Variants in COL15A1 observed in about 807,000 individuals in gnomAD.
COL15A1 encodes the protein collagen alpha-1(XV) chain.
A neutral mutation model predicts 165.9 loss-of-function variants in COL15A1; 111 were observed. That is an observed-to-expected ratio of 0.67 (90% confidence interval 0.57 to 0.78). COL15A1 has a LOEUF of 0.78. COL15A1 is among the 30% of genes least tolerant of loss of function. COL15A1 has a pLI of 0.00. For synonymous variants in COL15A1, 659 were observed against 674.8 expected (o/e 0.98, Z 0.36); for missense variants, 1,745 against 1,789.7 (o/e 0.98, Z 0.45).
chr9:99,019,399 GA>G (rs1811226243), intron 11 of COL15A1, among the ~76,000 whole-genome samples: 1 of 151,950 alleles, frequency 6.6e-6, no homozygotes. Context: ...GTTTTTAGTG[GA>G]GACAGGATTT....
chr9:99,028,010 C>T (rs1046254729), intron 16 of COL15A1, among the ~76,000 whole-genome samples: 1 of 152,206 alleles, frequency 6.6e-6, no homozygotes, highest in African/African-American at 2.4e-5. Context: ...TCCCCATCAA[C>T]AATATCTGCC....
Position 99,047,951 on chromosome 9 carries a change from G to T in COL15A1, c.2744G>T (p.Gly915Val), listed in dbSNP as rs755698379. The T allele has an allele frequency of 6.2e-7, 1 of 1,609,494 alleles. No individual in the cohort carries two copies. The highest frequency in any genetic ancestry group is 8.5e-7 in the Non-Finnish European group (1 of 1,176,504). Residue 915 changes from glycine to valine, a missense_variant, in exon 28 of 42, where the codon GGA becomes GTA. Transcript: ENST00000375001. ...TGCTGTGGGTTCCAGGGTCGCCCAG[G>T]ACTGAATGGCCTCAAGGGTACCAAA... The part of the protein sequence containing the change: ...FGLPGRPGRP[G>V]LNGLKGTKGD...
chr9:98,984,146 G>A (rs1445789428), intron 2 of COL15A1, among the ~76,000 whole-genome samples: 1 of 152,218 alleles, frequency 6.6e-6, no homozygotes, highest in Non-Finnish European at 1.5e-5. Flanking sequence ...TCCTCATCTG[G>A]TTGAATCCTC....
chr9:99,002,464 A>C (rs140639302), intron 7 of COL15A1, among the ~76,000 whole-genome samples: 3 of 152,242 alleles, frequency 2.0e-5, no homozygotes, highest in Non-Finnish European at 2.9e-5. Flanking sequence ...CTCTCCAGGC[A>C]CTCAACCCCA....
At chr9:99,056,161 G>A in intron 34 of COL15A1, 99 bp from the exon 35 acceptor site, 1 of 1,261,006 alleles carries the variant, frequency 7.9e-7, no homozygotes, top group Non-Finnish European at 1.2e-6. Flanking sequence ...AATAGCTGGT[G>A]TTTATTGATT....
chr9:98,986,545 A>G (rs1838316864), intron 3 of COL15A1: 1 of 157,880 alleles, frequency 6.3e-6, no homozygotes, highest in African/African-American at 2.4e-5. Context: ...GGGATACACT[A>G]GAATACCAGA....
intron 2 of COL15A1, among the ~76,000 whole-genome samples, chr9:98,966,362 G>A (rs1837956652): frequency 2.0e-5 from 3 of 152,168 alleles, no homozygotes; most frequent in Non-Finnish European, 2.9e-5. Context: ...AGGAGATGGG[G>A]GGCCTTCTCC....
rs1048866369 is a variant in COL15A1, at chr9:98,944,371, A to G, written c.100+121A>G. 1.1e-4 allele frequency: 115 copies of G among 1,011,144 alleles called. 1 individual carries two copies. The South Asian group carries it at 1.5e-3, about 14-fold the overall frequency. 62.6% of individuals were successfully genotyped at this position (1,011,144 alleles called of 1,614,324 possible). ...CCTGGACATAAAAGGGAGTCTTGCC[A>G]CTCAGTGCGCACTGGCGGTCCCGCG... On this transcript the variant is annotated intron_variant, in intron 2 of 41. Coordinates refer to ENST00000375001, the MANE Select transcript of COL15A1 (RefSeq NM_001855.5).
intron 28 of COL15A1, among the ~76,000 whole-genome samples, chr9:99,049,447 C>T (rs1646409299): frequency 6.6e-6 from 1 of 152,214 alleles, no homozygotes; most frequent in Non-Finnish European, 1.5e-5. Flanking sequence ...CTCTGGGCCT[C>T]ATTAGCTGCA....
At chr9:98,977,402 C>T (rs1322057960) in intron 2 of COL15A1, among the ~76,000 whole-genome samples, 1 of 152,242 alleles carries the variant, frequency 6.6e-6, no homozygotes. Flanking sequence ...CCTGGCTTCT[C>T]CTCCCCTCCC....
intron 31 of COL15A1, 124 bp downstream of exon 31, chr9:99,052,557 T>G (rs976602520): frequency 1.2e-6 from 1 of 808,416 alleles, no homozygotes; most frequent in African/African-American, 1.7e-5. Flanking sequence ...GCTGTAGGGG[T>G]GGGGATGGCA....
intron 16 of COL15A1, among the ~76,000 whole-genome samples, chr9:99,026,886 G>A (rs752806254): frequency 5.3e-5 from 8 of 152,154 alleles, no homozygotes; most frequent in Non-Finnish European, 1.2e-4. Context: ...CCCCCACCCT[G>A]ACATAGAGCA....
intron 10 of COL15A1, 28 bp from the exon 11 acceptor site, chr9:99,015,948 G>T: frequency 6.2e-7 from 1 of 1,608,734 alleles, no homozygotes; most frequent in Non-Finnish European, 8.5e-7. Context: ...GAGGTGAGGT[G>T]GTGCCTTAAT....
intron 24 of COL15A1, among the ~76,000 whole-genome samples, chr9:99,042,417 G>A (rs979535408): frequency 9.2e-5 from 14 of 152,158 alleles, no homozygotes; most frequent in Admixed American, 8.5e-4. Context: ...AAGGTACGAA[G>A]TGGGTAGTGA....
intron 5 of COL15A1, among the ~76,000 whole-genome samples, chr9:98,991,373 G>A (rs564014187): frequency 9.2e-4 from 140 of 152,312 alleles, no homozygotes; most frequent in African/African-American, 3.2e-3. Context: ...TTGACAGGGT[G>A]CTCATTGGTG....
Position 99,024,268 on chromosome 9 carries a change from G to GTTTTTTTTTTTTTTTTTTTTTTT in COL15A1, c.1855-598_1855-597insTTTTTTTTTTTTTTTTTTTTTTT, listed in dbSNP as rs201734908. Among the ~76,000 whole-genome samples, 258 of 131,406 alleles carry GTTTTTTTTTTTTTTTTTTTTTTT rather than the reference G, an allele frequency of 2.0e-3. 14 individuals carry two copies. Among genetic ancestry groups the GTTTTTTTTTTTTTTTTTTTTTTT allele is most frequent in the Middle Eastern group, 3.8e-3 (1 of 260 alleles). The allele number at this position is 131,406 out of a possible 152,430, so 86.2% of individuals were successfully genotyped here. A position where few individuals can be genotyped will look rare whatever the true frequency, so the allele number is the denominator to read the frequency against. On this transcript the variant is annotated intron_variant, in intron 14 of 41. Coordinates refer to ENST00000375001, the MANE Select transcript of COL15A1 (RefSeq NM_001855.5). ...TAAAAACAAGGCTACACCACAAGCA[G>GTTTTTTTTTTTTTTTTTTTTTTT]TTTTTTTTGTTTTTTTGTTTTTTTT...
intron 39 of COL15A1, among the ~76,000 whole-genome samples, chr9:99,063,600 C>A (rs1825851286): frequency 6.6e-6 from 1 of 152,122 alleles, no homozygotes; most frequent in Non-Finnish European, 1.5e-5. Flanking sequence ...CAATGGGGAG[C>A]TACAGAAGGG....
rs1219151367 is a variant in COL15A1 at position 99,016,026 on chromosome 9, C to T, written c.1554C>T (p.Leu518=). 6.2e-7 allele frequency: 1 copy of T among 1,614,148 alleles called. No individual in the cohort carries two copies. Among genetic ancestry groups the T allele is most frequent in the Non-Finnish European group, 8.5e-7 (1 of 1,180,004 alleles). ...CAGCAGCCACAACAGAGGAGCCCCTCATCACAGCTGGGGGTGAAGAGTCCG... is the reference window on the plus strand; with the variant it reads ...CAGCAGCCACAACAGAGGAGCCCCTTATCACAGCTGGGGGTGAAGAGTCCG... ...DLAAATTEEP[L]ITAGGEESGS... Residue 518 remains leucine (L), a synonymous_variant, in exon 11 of 42, where the codon CTC becomes CTT. Transcript: ENST00000375001.
chr9:98,944,023 A>G lies in COL15A1; in HGVS notation c.-39A>G. 1 of 1,613,362 alleles carries G rather than the reference A, an allele frequency of 6.2e-7. No individual in the cohort carries two copies. The highest frequency in any genetic ancestry group is 8.5e-7 in the Non-Finnish European group (1 of 1,179,596). On this transcript the variant is annotated 5_prime_UTR_variant, in exon 1 of 42. Coordinates refer to ENST00000375001, the MANE Select transcript of COL15A1 (RefSeq NM_001855.5). Reference sequence around the variant, plus strand: ...CCGCTAAGCTCCAACGCTCTGCTCGACTAGCCGCGCGCCTTCCGGGGCTCC... The same window carrying G: ...CCGCTAAGCTCCAACGCTCTGCTCGGCTAGCCGCGCGCCTTCCGGGGCTCC...
Sources: allele counts gnomAD v4.1 joint callset (sites outside exome capture counted in the v4.1 genomes callset), GRCh38; gene constraint gnomAD v4.1.1; transcripts MANE v1.5; gene names NCBI Gene and HGNC (gene_info 2026-07-23, HGNC 2026-07-21).